The following CACNA2D1 variants were observed in gnomAD, a reference collection of about 807,000 sequenced individuals.
The protein encoded by CACNA2D1 is calcium voltage-gated channel auxiliary subunit alpha2delta 1.
A neutral mutation model predicts 171.5 loss-of-function variants in CACNA2D1; 53 were observed. That is an observed-to-expected ratio of 0.31 (90% CI 0.25 to 0.39). The LOEUF (loss-of-function observed/expected upper bound fraction) is 0.39, where lower values mean the gene tolerates loss of function less well. Ranked by LOEUF, CACNA2D1 falls within the 10% of genes least tolerant of loss-of-function variation. CACNA2D1 has a pLI of 1.00. For synonymous variants in CACNA2D1, 442 were observed against 443.1 expected, an observed-to-expected ratio of 1.00 and a Z score of 0.03; for missense variants, 903 against 1,299.8, an observed-to-expected ratio of 0.69 and a Z score of 4.69.
chr7:82,174,549 TTC>T (rs1179292144), intron 3 of CACNA2D1, among the ~76,000 whole-genome samples: 1 of 152,086 alleles, frequency 6.6e-6, no homozygotes, highest in African/African-American at 2.4e-5. Context: ...ACCCCAGACT[TTC>T]TGACTCCAAA....
At chr7:82,042,003 C>T (rs1189878188) in intron 10 of CACNA2D1, among the ~76,000 whole-genome samples, 2 of 152,120 alleles carry the variant, frequency 1.3e-5, no homozygotes, top group Non-Finnish European at 2.9e-5. Context: ...TGAAGCATCT[C>T]ATTAAGTGAC....
intron 3 of CACNA2D1, among the ~76,000 whole-genome samples, chr7:82,178,739 C>T (rs1318517833): frequency 1.3e-5 from 2 of 152,098 alleles, no homozygotes; most frequent in Non-Finnish European, 2.9e-5. Flanking sequence ...GACAACAAAA[C>T]AGTCCATGCC....
At chr7:82,280,467 A>C (rs1809943697) in intron 3 of CACNA2D1, among the ~76,000 whole-genome samples, 1 of 152,192 alleles carries the variant, frequency 6.6e-6, no homozygotes, top group Admixed American at 6.5e-5. Flanking sequence ...TGCCATCTTA[A>C]TATATCCTGA....
intron 20 of CACNA2D1, among the ~76,000 whole-genome samples, chr7:81,993,559 G>A (rs1272319174): frequency 6.6e-6 from 1 of 152,094 alleles, no homozygotes; most frequent in East Asian, 1.9e-4. Flanking sequence ...GCTTTTGAAA[G>A]ATATCACCTT....
At chr7:82,057,814 T>C (rs1437200991) in intron 10 of CACNA2D1, among the ~76,000 whole-genome samples, 1 of 152,106 alleles carries the variant, frequency 6.6e-6, no homozygotes, top group Non-Finnish European at 1.5e-5. Flanking sequence ...GCACAGGAGT[T>C]GGCCAAGGCT....
intron 21 of CACNA2D1, among the ~76,000 whole-genome samples, chr7:81,990,475 G>A (rs1797426055): frequency 6.6e-6 from 1 of 151,898 alleles, no homozygotes; most frequent in Admixed American, 6.6e-5. Flanking sequence ...AGAGGGATGT[G>A]ACTGTTAAGA....
intron 6 of CACNA2D1, among the ~76,000 whole-genome samples, chr7:82,096,852 G>A (rs1446611778): frequency 2.0e-5 from 3 of 151,804 alleles, no homozygotes; most frequent in Non-Finnish European, 2.9e-5. Flanking sequence ...TTCTTCATAA[G>A]GCTCTTAAAA....
chr7:82,109,922 C>A (rs1175235386), intron 6 of CACNA2D1, among the ~76,000 whole-genome samples: 1 of 152,164 alleles, frequency 6.6e-6, no homozygotes, highest in Non-Finnish European at 1.5e-5. Context: ...GTTCTATATT[C>A]TTGTCCATGA....
chr7:82,006,855 TATA>T (rs1799172094), intron 16 of CACNA2D1, among the ~76,000 whole-genome samples: 1 of 152,100 alleles, frequency 6.6e-6, no homozygotes, highest in Non-Finnish European at 1.5e-5. Flanking sequence ...AACTGAGATA[TATA>T]ATAACTGATC....
chr7:82,290,627 G>T (rs1318636533), intron 3 of CACNA2D1, among the ~76,000 whole-genome samples: 2 of 145,020 alleles, frequency 1.4e-5, no homozygotes, highest in East Asian at 2.0e-4. Flanking sequence ...AGGGAATTTC[G>T]CTCTTGTTGC....
At chr7:82,318,577 T>C (rs940081085) in intron 3 of CACNA2D1, among the ~76,000 whole-genome samples, 8 of 152,182 alleles carry the variant, frequency 5.3e-5, no homozygotes, top group African/African-American at 1.9e-4. Context: ...GCTAGACCCC[T>C]TCTCCTTTGT....
chr7:82,433,211 A>T (rs1829856248), intron 1 of CACNA2D1, among the ~76,000 whole-genome samples: 1 of 152,038 alleles, frequency 6.6e-6, no homozygotes, highest in African/African-American at 2.4e-5. Context: ...AATTCTAACG[A>T]CATGTTATAA....
intron 12 of CACNA2D1, among the ~76,000 whole-genome samples, chr7:82,018,892 G>A (rs943568662): frequency 6.7e-6 from 1 of 150,022 alleles, no homozygotes; most frequent in African/African-American, 2.4e-5. Context: ...TGCTGAGGCA[G>A]GAGAATCGCT....
chr7:82,011,175 C>T (rs1799729319), intron 15 of CACNA2D1, among the ~76,000 whole-genome samples: 1 of 152,158 alleles, frequency 6.6e-6, no homozygotes, highest in Non-Finnish European at 1.5e-5. Flanking sequence ...CCTCTGTCCA[C>T]TCAGGGGTGT....
intron 1 of CACNA2D1, among the ~76,000 whole-genome samples, chr7:82,388,163 T>A (rs1824646079): frequency 6.6e-6 from 1 of 152,170 alleles, no homozygotes; most frequent in Admixed American, 6.5e-5. Flanking sequence ...CAGGGTTGGC[T>A]TCTTCTTATA....
Position 82,084,816 on chromosome 7 carries a change from A to G in CACNA2D1, c.611T>C (p.Leu204Ser). Residue 204 changes from leucine (L) to serine (S), a missense_variant, in exon 7 of 39, where the codon TTG (leucine) becomes TCG (serine). Around this residue, in one of 5 missense-constraint regions of CACNA2D1, gnomAD observed 189 missense variants for 266.8 expected, o/e 0.71. Transcript: ENST00000356860. ...KKNREEDPSL[L>S]WQVFGSATGL... ...AGTGGCACTGCCAAAAACCTGCCAC[A>G]ATAATGAAGGGTCTTCCTCGCGATT... 1 of 1,614,096 alleles carries G rather than the reference A, an allele frequency of 6.2e-7. No individual in the cohort carries two copies. Among genetic ancestry groups the G allele is most frequent in the Non-Finnish European group, 8.5e-7 (1 of 1,179,926 alleles).
intron 3 of CACNA2D1, among the ~76,000 whole-genome samples, chr7:82,194,148 G>A (rs937153838): frequency 1.3e-5 from 2 of 152,024 alleles, no homozygotes; most frequent in African/African-American, 4.8e-5. Context: ...ATTTCTACAT[G>A]AGTTGGCATG....
intron 3 of CACNA2D1, among the ~76,000 whole-genome samples, chr7:82,202,215 C>T (rs529444795): frequency 5.3e-5 from 8 of 152,190 alleles, no homozygotes; most frequent in African/African-American, 9.6e-5. Flanking sequence ...TGCACCCAGG[C>T]GCGTACCCAT....
At chr7:82,166,458 C>A (rs1324615410) in intron 4 of CACNA2D1, among the ~76,000 whole-genome samples, 1 of 151,956 alleles carries the variant, frequency 6.6e-6, no homozygotes, top group Admixed American at 6.6e-5. Context: ...AATTAGACAC[C>A]CCTTATGTTT....
Sources: gnomAD v4.1 joint callset for allele counts (sites outside exome capture counted in the v4.1 genomes callset) on GRCh38, gnomAD v4.1.1 for gene constraint, gnomAD v4.1.1 regional missense constraint, MANE v1.5 for transcripts, NCBI Gene and HGNC (gene_info 2026-07-23, HGNC 2026-07-21) for gene names.